MYT1L: variants seen among roughly 807,000 people sequenced by gnomAD.
MYT1L encodes the protein myelin transcription factor 1 like.
Under a neutral mutation model 126.7 loss-of-function variants are expected in MYT1L, and 12 were observed. The observed-to-expected ratio is 0.09, with a 90% confidence interval of 0.06 to 0.15. The LOEUF (loss-of-function observed/expected upper bound fraction) is 0.15. MYT1L is among the 10% of genes least tolerant of loss of function. The pLI, the probability that MYT1L is intolerant of heterozygous loss-of-function variation, is 1.00. For synonymous variants in MYT1L, 541 were observed against 604.2 expected, an observed-to-expected ratio of 0.90 and a Z score of 1.53; for missense variants, 979 against 1,585.2, an observed-to-expected ratio of 0.62 and a Z score of 6.49.
At chr2:1,956,512 TCTATCTATCTATCTATCTA>T (rs1558533026) in intron 8 of MYT1L, among the ~76,000 whole-genome samples, 1 of 89,326 alleles carries the variant, frequency 1.1e-5, no homozygotes, top group African/African-American at 4.4e-5. Context: ...TCCTATTCTA[TCTATCTATCTATCTATCTA>T]TCTATCTATC....
intron 4 of MYT1L, among the ~76,000 whole-genome samples, chr2:2,023,628 T>C (rs1192289894): frequency 6.6e-6 from 1 of 151,606 alleles, no homozygotes; most frequent in Non-Finnish European, 1.5e-5. Context: ...TTGCTGTTTT[T>C]TTTTTTTTCA....
At chr2:1,977,639 T>C (rs2060288765) in intron 8 of MYT1L, among the ~76,000 whole-genome samples, 1 of 152,256 alleles carries the variant, frequency 6.6e-6, no homozygotes, top group Non-Finnish European at 1.5e-5. Context: ...ATATCTCATG[T>C]ACCCCCTAAG....
rs938353342 is a variant in MYT1L at position 2,063,437 on chromosome 2, G to T, written c.-303-9314C>A. Among the ~76,000 whole-genome samples the T allele has an allele frequency of 5.3e-5, 8 of 152,278 alleles. No homozygotes were observed. In the East Asian group the frequency reaches 1.5e-3, roughly 29 times the overall value. ...TCACATGGGCGGGGCCTTCTGACCT[G>T]TCGGGGGTCTTTGTGTGCTTTGCCT... On this transcript the variant is annotated intron_variant, in intron 3 of 24. Transcript: ENST00000647738.
intron 9 of MYT1L, among the ~76,000 whole-genome samples, chr2:1,928,556 G>T (rs573092144): frequency 6.6e-6 from 1 of 152,278 alleles, no homozygotes; most frequent in African/African-American, 2.4e-5. Flanking sequence ...CAGGAGGCAC[G>T]TTCTACACTA....
At chr2:1,999,488 A>G (rs1165021657) in intron 4 of MYT1L, among the ~76,000 whole-genome samples, 1 of 152,234 alleles carries the variant, frequency 6.6e-6, no homozygotes. Context: ...ATGTAGAAAA[A>G]TAATTTATTT....
chr2:1,988,608 T>C (rs755741523), intron 5 of MYT1L, among the ~76,000 whole-genome samples: 9 of 152,258 alleles, frequency 5.9e-5, no homozygotes, highest in Non-Finnish European at 1.3e-4. Flanking sequence ...AACCTGCTTA[T>C]GCTGGGCACA....
intron 8 of MYT1L, among the ~76,000 whole-genome samples, chr2:1,964,015 C>G (rs902196613): frequency 1.3e-5 from 2 of 152,236 alleles, no homozygotes; most frequent in Non-Finnish European, 2.9e-5. Context: ...GCACGCCTTC[C>G]TCTCTAAGCT....
chr2:2,284,365 T>A (rs536886286), intron 2 of MYT1L, 39 bp downstream of exon 2: 1 of 152,178 alleles, frequency 6.6e-6, no homozygotes, highest in South Asian at 2.1e-4. Flanking sequence ...TCCTTTACAT[T>A]CCTAATACAA....
intron 8 of MYT1L, among the ~76,000 whole-genome samples, chr2:1,962,551 T>G (rs1374196568): frequency 6.6e-6 from 1 of 152,102 alleles, no homozygotes. Context: ...GTTTCTCACA[T>G]CGATCGAGAC....
intron 3 of MYT1L, among the ~76,000 whole-genome samples, chr2:2,055,853 G>A (rs898527113): frequency 6.6e-6 from 1 of 152,178 alleles, no homozygotes; most frequent in Admixed American, 6.5e-5. Flanking sequence ...CTTTAAGCTT[G>A]TTAGCATGTT....
At chr2:2,211,080 C>T (rs770168154) in intron 2 of MYT1L, among the ~76,000 whole-genome samples, 2 of 152,092 alleles carry the variant, frequency 1.3e-5, no homozygotes, top group Admixed American at 1.3e-4. Context: ...GATTTTGTAT[C>T]CCACAATTTT....
chr2:2,230,099 AG>A (rs2149053088), intron 2 of MYT1L, among the ~76,000 whole-genome samples: 1 of 152,334 alleles, frequency 6.6e-6, no homozygotes, highest in Admixed American at 6.5e-5. Flanking sequence ...TTGTCAGTAG[AG>A]GGAGCCTTAA....
At chr2:2,021,994 A>G (rs2065085025) in intron 4 of MYT1L, among the ~76,000 whole-genome samples, 1 of 152,240 alleles carries the variant, frequency 6.6e-6, no homozygotes, top group African/African-American at 2.4e-5. Flanking sequence ...GGCAGTTCCA[A>G]AATGTCCTGA....
chr2:1,865,665 G>T (rs530124545), intron 18 of MYT1L, among the ~76,000 whole-genome samples: 2 of 151,788 alleles, frequency 1.3e-5, no homozygotes, highest in African/African-American at 2.4e-5. Context: ...CTTCTTTTGC[G>T]TGGTGGTGCA....
chr2:1,799,068 G>A (rs998555378), intron 23 of MYT1L, among the ~76,000 whole-genome samples: 2 of 152,184 alleles, frequency 1.3e-5, no homozygotes, highest in East Asian at 1.9e-4. Context: ...GGGGGACTCC[G>A]GCTCAGCGCA....
chr2:2,008,221 C>CT (rs2149735636), intron 4 of MYT1L, among the ~76,000 whole-genome samples: 1 of 152,356 alleles, frequency 6.6e-6, no homozygotes, highest in South Asian at 2.1e-4. Context: ...GCGCCCCACA[C>CT]TTTCCTCAAA....
chr2:1,865,611 T>C (rs1247435439), intron 18 of MYT1L, among the ~76,000 whole-genome samples: 2 of 151,894 alleles, frequency 1.3e-5, no homozygotes, highest in Non-Finnish European at 2.9e-5. Flanking sequence ...TTTAAGCAGC[T>C]AGGCCAGGTT....
In MYT1L at chr2:1,858,993, C is replaced by T. The variant is rs372648015; in HGVS notation, c.2712-7290G>A. Among the ~76,000 whole-genome samples the T allele has an allele frequency of 9.6e-4, 146 of 152,284 alleles. 2 individuals are homozygous for T. The highest frequency in any genetic ancestry group is 4.7e-3 in the East Asian group (24 of 5,158). Reference sequence around the variant, plus strand: ...GCGGCATGCCTGCTACTTGGAAGTACCAGATACTGCAAGAGTGCTGCACAC... The same window carrying T: ...GCGGCATGCCTGCTACTTGGAAGTATCAGATACTGCAAGAGTGCTGCACAC... On this transcript the variant is annotated intron_variant, in intron 18 of 24. Transcript: ENST00000647738.
intron 8 of MYT1L, among the ~76,000 whole-genome samples, chr2:1,975,259 C>CCGCCAGA (rs74164549): frequency 3.9e-5 from 6 of 152,208 alleles, no homozygotes; most frequent in Non-Finnish European, 8.8e-5. Flanking sequence ...CCAGATCCCA[C>CCGCCAGA]TGCCAGATCC....
Sources: allele counts gnomAD v4.1 joint callset (sites outside exome capture counted in the v4.1 genomes callset), GRCh38; gene constraint gnomAD v4.1.1; transcripts MANE v1.5; gene names NCBI Gene and HGNC (gene_info 2026-07-23, HGNC 2026-07-21).